The following HPSE2 variants were observed in gnomAD, a reference collection of about 807,000 sequenced individuals.
The protein encoded by HPSE2 is inactive heparanase-2.
A neutral mutation model predicts 60.5 loss-of-function variants in HPSE2; 38 were observed. That is an observed-to-expected ratio of 0.63 (90% CI 0.48 to 0.82). The LOEUF (loss-of-function observed/expected upper bound fraction) is 0.82, where lower values mean the gene tolerates loss of function less well. Ranked by LOEUF, HPSE2 falls within the 40% of genes least tolerant of loss-of-function variation. HPSE2 has a pLI of 0.00. For synonymous variants in HPSE2, 295 were observed against 293.2 expected (o/e 1.01, Z -0.06); for missense variants, 713 against 740.4 (o/e 0.96, Z 0.43).
chr10:99,011,932 A>G (rs1957027908), intron 3 of HPSE2, among the ~76,000 whole-genome samples: 1 of 152,014 alleles, frequency 6.6e-6, no homozygotes, highest in African/African-American at 2.4e-5. Context: ...AGAAGATACA[A>G]CAAATTTTAC....
At chr10:98,459,850 C>A (rs546751436) in intron 11 of HPSE2, 111 bp from the exon 12 acceptor site, 3 of 1,016,206 alleles carry the variant, frequency 3.0e-6, no homozygotes, top group East Asian at 2.6e-5. Flanking sequence ...ACACAGCTGA[C>A]ACTTATTGTT....
chr10:98,742,009 G>A (rs899463407), intron 4 of HPSE2, among the ~76,000 whole-genome samples: 1 of 152,092 alleles, frequency 6.6e-6, no homozygotes, highest in East Asian at 1.9e-4. Context: ...ATAGAAGATG[G>A]GATGGAAAGG....
chr10:99,161,830 A>G (rs143841172), intron 2 of HPSE2, among the ~76,000 whole-genome samples: 115 of 151,984 alleles, frequency 7.6e-4, no homozygotes, highest in Non-Finnish European at 1.3e-3. Flanking sequence ...ATAAAGACAT[A>G]AAGAAGAATA....
chr10:99,132,146 G>GAAGGAAGA (rs1845413704), intron 3 of HPSE2, among the ~76,000 whole-genome samples: 1 of 28,484 alleles, frequency 3.5e-5, no homozygotes, highest in African/African-American at 8.2e-5. Flanking sequence ...AGAAAGAAAG[G>GAAGGAAGA]AAGAAAGAAA....
At chr10:98,797,754 G>C (rs1187456746) in intron 3 of HPSE2, among the ~76,000 whole-genome samples, 1 of 152,040 alleles carries the variant, frequency 6.6e-6, no homozygotes, top group African/African-American at 2.4e-5. Context: ...TGAGGCAGAA[G>C]AATGGCATGA....
chr10:98,990,534 A>T (rs1956497880), intron 3 of HPSE2, among the ~76,000 whole-genome samples: 1 of 152,184 alleles, frequency 6.6e-6, no homozygotes, highest in Non-Finnish European at 1.5e-5. Flanking sequence ...ATGCAGCCTG[A>T]TTCCTAACAG....
At chr10:98,584,827 A>G (rs1016788461) in intron 9 of HPSE2, among the ~76,000 whole-genome samples, 45 of 152,142 alleles carry the variant, frequency 3.0e-4, no homozygotes, top group African/African-American at 1.1e-3. Flanking sequence ...CTAAGATTTG[A>G]CAGTGGATAT....
intron 3 of HPSE2, among the ~76,000 whole-genome samples, chr10:99,100,811 A>G (rs959000651): frequency 1.3e-5 from 2 of 152,230 alleles, no homozygotes; most frequent in South Asian, 2.1e-4. Flanking sequence ...AAACTCTACA[A>G]GCCAGAAGAG....
intron 3 of HPSE2, among the ~76,000 whole-genome samples, chr10:98,963,823 T>C (rs1955744308): frequency 6.6e-6 from 1 of 152,080 alleles, no homozygotes; most frequent in African/African-American, 2.4e-5. Flanking sequence ...AATGGAATCA[T>C]GACATGGCTG....
At chr10:98,537,178 C>T (rs1049933580) in intron 9 of HPSE2, among the ~76,000 whole-genome samples, 14 of 152,140 alleles carry the variant, frequency 9.2e-5, no homozygotes, top group African/African-American at 3.1e-4. Flanking sequence ...TAGATAAGGA[C>T]GTTAGAGAAG....
intron 3 of HPSE2, among the ~76,000 whole-genome samples, chr10:98,877,983 C>G (rs536629830): frequency 5.9e-5 from 9 of 151,986 alleles, no homozygotes; most frequent in African/African-American, 1.9e-4. Context: ...GAAATAAAAT[C>G]CAAACCTCAG....
Position 99,235,627 on chromosome 10 carries a change from G to A in HPSE2, c.176C>T (p.Thr59Ile). 1 of 1,614,040 alleles carries A rather than the reference G, an allele frequency of 6.2e-7. No individual in the cohort carries two copies. Among genetic ancestry groups the A allele is most frequent in the Non-Finnish European group, 8.5e-7 (1 of 1,180,000 alleles). Residue 59 changes from threonine (T) to isoleucine (I), a missense_variant, in exon 1 of 12, where the codon ACC becomes ATC. Transcript: ENST00000370552. ...GGTGCTCACATCAAGTAGAATCAGG[G>A]TCTTTTCCTTCAAACCTGCAGCTCT... ...VDRAAGLKEK[T>I]LILLDVSTKN...
At chr10:99,245,417 AG>A in the HPSE2 span, among the ~76,000 whole-genome samples, 1 of 152,228 alleles carries the variant, frequency 6.6e-6, no homozygotes, top group African/African-American at 2.4e-5. Context: ...TCAGATTCTA[AG>A]GGATATCTCA....
intron 3 of HPSE2, among the ~76,000 whole-genome samples, chr10:99,108,499 CTT>C (rs963290833): frequency 3.9e-5 from 6 of 152,040 alleles, no homozygotes; most frequent in Admixed American, 3.9e-4. Flanking sequence ...TCATGGCTAA[CTT>C]ATTTTATCAC....
At chr10:99,054,846 G>A (rs963046097) in intron 3 of HPSE2, among the ~76,000 whole-genome samples, 1 of 152,068 alleles carries the variant, frequency 6.6e-6, no homozygotes, top group African/African-American at 2.4e-5. Flanking sequence ...GAGTAGCTGG[G>A]ATTACAGGCA....
chr10:99,272,966 A>G, the HPSE2 span, among the ~76,000 whole-genome samples: 7 of 152,246 alleles, frequency 4.6e-5, no homozygotes, highest in Non-Finnish European at 8.8e-5. Flanking sequence ...ATACTTGTAC[A>G]TGCATGTTTA....
intron 3 of HPSE2, among the ~76,000 whole-genome samples, chr10:98,900,760 C>T (rs777754594): frequency 1.1e-4 from 17 of 152,116 alleles, no homozygotes; most frequent in Non-Finnish European, 2.2e-4. Context: ...TCATACATTA[C>T]TTGAAGGAAT....
At chr10:99,297,547 A>G in the HPSE2 span, among the ~76,000 whole-genome samples, 1 of 152,230 alleles carries the variant, frequency 6.6e-6, no homozygotes, top group Admixed American at 6.5e-5. Context: ...ACTCCATTGT[A>G]TTGTTCCATC....
intron 3 of HPSE2, among the ~76,000 whole-genome samples, chr10:99,141,592 G>C (rs1845868847): frequency 6.6e-6 from 1 of 152,236 alleles, no homozygotes; most frequent in African/African-American, 2.4e-5. Flanking sequence ...CATTAACTGG[G>C]CTATCACTAA....
Sources: allele counts gnomAD v4.1 joint callset (sites outside exome capture counted in the v4.1 genomes callset), GRCh38; gene constraint gnomAD v4.1.1; transcripts MANE v1.5; gene names NCBI Gene and HGNC (gene_info 2026-07-23, HGNC 2026-07-21).